Variants in WWC1 observed in about 807,000 individuals in gnomAD.
WWC1 encodes WW and C2 domain containing 1, also known as protein KIBRA.
Under a neutral mutation model 138.4 loss-of-function variants are expected in WWC1, and 55 were observed. The ratio of observed to expected loss-of-function variants is 0.40; its 90% CI spans 0.32 to 0.50. WWC1 has a LOEUF of 0.50. Among genes scored for constraint, WWC1 ranks in the 20% least tolerant of loss-of-function variants. The probability of loss-of-function intolerance (pLI) is 0.72; values close to 1 mark genes in which losing one functional copy is unlikely to be tolerated. For synonymous variants in WWC1, 524 were observed against 564.9 expected (o/e 0.93, Z 1.03); for missense variants, 1,226 against 1,420.4 (o/e 0.86, Z 2.20).
chr5:168,396,916 A>T (rs1582150118), intron 3 of WWC1, among the ~76,000 whole-genome samples: 1 of 152,030 alleles, frequency 6.6e-6, no homozygotes, highest in African/African-American at 2.4e-5. Context: ...TTCCTTTTTG[A>T]ATGTACATTA....
At chr5:168,387,920 C>A (rs1188411364) in intron 3 of WWC1, among the ~76,000 whole-genome samples, 1 of 152,178 alleles carries the variant, frequency 6.6e-6, no homozygotes, top group Admixed American at 6.5e-5. Context: ...CTCTCTCTCT[C>A]TCTCTAAAGT....
chr5:168,438,061 C>T (rs1754399476), intron 15 of WWC1, among the ~76,000 whole-genome samples: 1 of 152,086 alleles, frequency 6.6e-6, no homozygotes, highest in African/African-American at 2.4e-5. Context: ...CTGATCCTCC[C>T]AATAGGCTGG....
chr5:168,432,066 A>G (rs1457552282), intron 15 of WWC1, among the ~76,000 whole-genome samples: 1 of 143,782 alleles, frequency 7.0e-6, no homozygotes, highest in Non-Finnish European at 1.5e-5. Context: ...AAAAAAAAAA[A>G]GCACAGAGTA....
intron 2 of WWC1, 107 bp downstream of exon 2, chr5:168,371,640 G>C: frequency 1.4e-6 from 1 of 699,092 alleles, no homozygotes; most frequent in Non-Finnish European, 2.4e-6. Flanking sequence ...CTTGGAGCCA[G>C]ATTGTATTTT....
In WWC1 at chr5:168,454,027, A is replaced by T. The variant is rs28421695; in HGVS notation, c.2585A>T (p.Glu862Val). The T allele has an allele frequency of 6.4e-6, 6 of 941,672 alleles. No individual in the cohort carries two copies. Among genetic ancestry groups the T allele is most frequent in the Non-Finnish European group, 8.1e-6 (6 of 741,274 alleles). The allele number at this position is 941,672 out of a possible 1,614,324, so 58.3% of individuals were successfully genotyped here. ...AVAEEEEEEV[E>V]EEEGEEDVFT... ...GCCGAGGAAGAGGAGGAGGAGGTGG[A>T]GGAGGAGGAGGGAGAAGAGGATGTT... The change falls in exon 18 of 23, where the codon GAG becomes GTG. Residue 862 changes from glutamate to valine, a missense_variant. Around this residue, in one of 3 missense-constraint regions of WWC1, gnomAD observed 1,016 missense variants for 1,153.9 expected, o/e 0.88. Transcript: ENST00000265293.
At chr5:168,458,203 C>T (rs1181009387) in intron 19 of WWC1, among the ~76,000 whole-genome samples, 1 of 152,204 alleles carries the variant, frequency 6.6e-6, no homozygotes, top group African/African-American at 2.4e-5. Context: ...TCTAATCTTA[C>T]AGCCCTGTAA....
chr5:168,464,153 T>A (rs1368026994), intron 20 of WWC1, among the ~76,000 whole-genome samples: 1 of 152,034 alleles, frequency 6.6e-6, no homozygotes, highest in Admixed American at 6.6e-5. Flanking sequence ...GCATTGTTAC[T>A]CTAAGGCTGG....
chr5:168,367,920 G>A (rs185020704), intron 1 of WWC1, among the ~76,000 whole-genome samples: 8 of 149,518 alleles, frequency 5.4e-5, no homozygotes, highest in Non-Finnish European at 1.2e-4. Flanking sequence ...TTCAGATAGC[G>A]TTTCAATCTG....
chr5:168,456,950 T>C (rs1055504652), intron 19 of WWC1, among the ~76,000 whole-genome samples: 1 of 152,134 alleles, frequency 6.6e-6, no homozygotes, highest in African/African-American at 2.4e-5. Context: ...GTTTTTTAAG[T>C]GACCCTTTTC....
intron 1 of WWC1, among the ~76,000 whole-genome samples, chr5:168,324,726 A>G (rs1772395259): frequency 6.6e-6 from 1 of 152,202 alleles, no homozygotes; most frequent in Non-Finnish European, 1.5e-5. Flanking sequence ...AATGGACTAA[A>G]CACTTTAATT....
At chr5:168,294,036 C>T (rs931293482) in intron 1 of WWC1, among the ~76,000 whole-genome samples, 2 of 152,148 alleles carry the variant, frequency 1.3e-5, no homozygotes, top group Admixed American at 6.5e-5. Flanking sequence ...ATTTAGGTCC[C>T]TGTAGTTTAC....
At chr5:168,458,315 G>C (rs1408950726) in intron 19 of WWC1, among the ~76,000 whole-genome samples, 3 of 152,202 alleles carry the variant, frequency 2.0e-5, no homozygotes, top group Non-Finnish European at 4.4e-5. Flanking sequence ...AAAGCTGGGA[G>C]TCCAACTCCA....
intron 20 of WWC1, among the ~76,000 whole-genome samples, chr5:168,464,143 G>A (rs1225759129): frequency 1.3e-5 from 2 of 152,116 alleles, no homozygotes; most frequent in Admixed American, 6.5e-5. Context: ...GAAGGTGAGG[G>A]CATTGTTACT....
At chr5:168,324,160 G>A (rs1008831352) in intron 1 of WWC1, among the ~76,000 whole-genome samples, 5 of 152,218 alleles carry the variant, frequency 3.3e-5, no homozygotes, top group African/African-American at 1.2e-4. Context: ...TCAGGGCCAG[G>A]TGCAGTGGCC....
At chr5:168,420,584 T>G (rs1366251437) in intron 9 of WWC1, among the ~76,000 whole-genome samples, 1 of 151,680 alleles carries the variant, frequency 6.6e-6, no homozygotes, top group Non-Finnish European at 1.5e-5. Context: ...CGCCCCGACC[T>G]TTAGAGCAGC....
At chr5:168,413,089 G>T (rs1411442036) in intron 8 of WWC1, among the ~76,000 whole-genome samples, 2 of 152,112 alleles carry the variant, frequency 1.3e-5, no homozygotes, top group Non-Finnish European at 2.9e-5. Context: ...ATAAGAATTG[G>T]GCCACATTGT....
chr5:168,347,959 C>T (rs937248343), intron 1 of WWC1, among the ~76,000 whole-genome samples: 4 of 152,102 alleles, frequency 2.6e-5, no homozygotes, highest in Admixed American at 2.6e-4. Flanking sequence ...CTGGGATCTG[C>T]CCTGTTGGAA....
Position 168,432,030 on chromosome 5 carries a change from ACAG to A in WWC1, c.2280+590_2280+592del, listed in dbSNP as rs1781988085. The stretch of plus-strand genomic sequence containing the variant: ...ATGCCGCAGCATTCTGGCCTGGGCA[ACAG>A]CAGAACCCTGTGTCAAAAAAAAAAA... On this transcript the variant is annotated intron_variant, in intron 15 of 22. Transcript: ENST00000265293. Among the ~76,000 whole-genome samples the A allele has an allele frequency of 2.0e-5, 3 of 148,468 alleles. No homozygotes were observed. In the South Asian group the frequency reaches 6.5e-4, roughly 32 times the overall value.
chr5:168,359,468 C>G (rs866103433), intron 1 of WWC1, among the ~76,000 whole-genome samples: 1 of 152,000 alleles, frequency 6.6e-6, no homozygotes, highest in Non-Finnish European at 1.5e-5. Context: ...TTGGCTGTAC[C>G]ACAGTTGTCT....
Sources: gnomAD v4.1 joint callset for allele counts (sites outside exome capture counted in the v4.1 genomes callset) on GRCh38, gnomAD v4.1.1 for gene constraint, gnomAD v4.1.1 regional missense constraint, MANE v1.5 for transcripts, NCBI Gene and HGNC (gene_info 2026-07-23, HGNC 2026-07-21) for gene names.